Variants in SNX31 observed in about 807,000 individuals in gnomAD.
SNX31 encodes the protein sorting nexin-31.
A neutral mutation model predicts 65.4 loss-of-function variants in SNX31; 58 were observed. The ratio of observed to expected loss-of-function variants is 0.89; its 90% CI spans 0.72 to 1.10. The LOEUF (loss-of-function observed/expected upper bound fraction) is 1.10, where lower values mean the gene tolerates loss of function less well. SNX31 is among the 50% of genes least tolerant of loss of function. SNX31 has a pLI of 0.00. For synonymous variants in SNX31, 181 were observed against 190.1 expected (o/e 0.95, Z 0.39); for missense variants, 523 against 529.7 (o/e 0.99, Z 0.12).
chr8:100,617,767 CTTT>C (rs747344881), intron 4 of SNX31, 37 bp from the exon 5 acceptor site: 3,136 of 1,272,178 alleles, frequency 2.5e-3, no homozygotes, highest in South Asian at 3.8e-3. Flanking sequence ...ATTTCCACAC[CTTT>C]TTTTTTTTTT....
chr8:100,622,262 G>A lies in SNX31; in HGVS notation c.322-4532C>T, dbSNP rs1411709424. The stretch of plus-strand genomic sequence containing the variant: ...ATGTGGTGAGTTTATCTTGAAGAGT[G>A]CCCTGTACAAGTAGACATTTAATAA... On this transcript the variant is annotated intron_variant, in intron 4 of 13. Transcript: ENST00000311812. The surrounding 1 kb of genome is among the most constrained non-coding windows in gnomAD (Gnocchi z 5.0). Among the ~76,000 whole-genome samples, 1 of 152,150 alleles carries A rather than the reference G, an allele frequency of 6.6e-6. No homozygotes were observed. Among genetic ancestry groups the A allele is most frequent in the Non-Finnish European group, 1.5e-5 (1 of 68,026 alleles).
At chr8:100,620,476 T>G (rs1307108582) in intron 4 of SNX31, among the ~76,000 whole-genome samples, 12 of 152,202 alleles carry the variant, frequency 7.9e-5, no homozygotes. Context: ...ACCACATGCT[T>G]ACAATTACTA....
At chr8:100,624,857 A>G (rs761759695) in intron 4 of SNX31, among the ~76,000 whole-genome samples, 1 of 152,008 alleles carries the variant, frequency 6.6e-6, no homozygotes, top group Non-Finnish European at 1.5e-5. Flanking sequence ...GCTGGAGTAC[A>G]GTGGGCTGAT....
At chr8:100,618,747 G>A (rs902192964) in intron 4 of SNX31, 4 of 206,598 alleles carry the variant, frequency 1.9e-5, no homozygotes, top group African/African-American at 7.0e-5. Context: ...GCCAAACGGA[G>A]GAGATGCACA....
rs61261165 is a variant in SNX31 at position 100,629,255 on chromosome 8, C to T, written c.321+1072G>A. ...GAGCACTATAAACTATTAGACTATA[C>T]ACAACAGTTGTCACTGAGGAGGGGG... On this transcript the variant is annotated intron_variant, in intron 4 of 13. Coordinates refer to ENST00000311812, the MANE Select transcript of SNX31 (RefSeq NM_152628.4). This position sits in a 1 kb window ranked among gnomAD's most constrained non-coding sequence, Gnocchi z 5.1. Among the ~76,000 whole-genome samples the T allele has an allele frequency of 6.6e-6, 1 of 152,030 alleles. No individual in the cohort carries two copies. Among genetic ancestry groups the T allele is most frequent in the Non-Finnish European group, 1.5e-5 (1 of 68,012 alleles).
In SNX31 at chr8:100,612,106, C is replaced by T. The variant is rs79115078; in HGVS notation, c.524-19G>A. ...TTCACAACTAGAGAAAGGAGAAAGC[C>T]GGTCTTACTGGTTGAAACAGCACAG... On this transcript the variant is annotated intron_variant, in intron 6 of 13. Transcript: ENST00000311812. The surrounding 1 kb of genome is among the most constrained non-coding windows in gnomAD (Gnocchi z 4.3). The T allele has an allele frequency of 0.017, 26,072 of 1,573,614 alleles. 579 individuals carry two copies. The highest frequency in any genetic ancestry group is 0.1 in the African/African-American group (7,457 of 74,140).
intron 10 of SNX31, among the ~76,000 whole-genome samples, chr8:100,592,837 G>A (rs1814705840): frequency 6.6e-6 from 1 of 152,132 alleles, no homozygotes; most frequent in Admixed American, 6.5e-5. Flanking sequence ...ATGAACCTGG[G>A]AAACATGCTA....
intron 1 of SNX31, among the ~76,000 whole-genome samples, chr8:100,655,607 C>T (rs931560437): frequency 2.0e-5 from 3 of 152,214 alleles, no homozygotes; most frequent in Non-Finnish European, 2.9e-5. Flanking sequence ...GAGGCCTCCC[C>T]AACCATGTGG....
chr8:100,584,371 T>G (rs1432912054), intron 11 of SNX31, among the ~76,000 whole-genome samples, 183 bp from the exon 12 acceptor site: 1 of 152,238 alleles, frequency 6.6e-6, no homozygotes, highest in Non-Finnish European at 1.5e-5. Context: ...CTATAAATTT[T>G]CTCAATTATG....
At chr8:100,595,308 TTTG>T (rs200524796) in intron 10 of SNX31, among the ~76,000 whole-genome samples, 9 of 142,018 alleles carry the variant, frequency 6.3e-5, no homozygotes, top group African/African-American at 2.5e-4. Context: ...ATAGAGGGAA[TTTG>T]TTGTTTTTTT....
At chr8:100,598,266 A>G (rs1174992371) in intron 9 of SNX31, among the ~76,000 whole-genome samples, 27 of 152,214 alleles carry the variant, frequency 1.8e-4, no homozygotes, top group Admixed American at 1.8e-3. Flanking sequence ...TCAGTGAGAA[A>G]CATCAGAAAG....
At position 100,660,567 on chromosome 8, in the gene SNX31, T is replaced by G. The variant is rs1268568492; in HGVS notation, c.-58+2575A>C. ...ATGTCACTCAGCACGGGGCTCTAAC[T>G]CAAGTGGCAGGCGTCCCTGACCTGA... is the stretch of plus-strand genomic sequence containing the variant. On this transcript the variant is annotated intron_variant, in intron 1 of 5. Coordinates refer to the SNX31 transcript ENST00000520352. The surrounding 1 kb of genome is among the most constrained non-coding windows in gnomAD (Gnocchi z 4.1). 6.6e-6 allele frequency among the ~76,000 whole-genome samples: 1 copy of G among 152,120 alleles called. No individual in the cohort carries two copies. The highest frequency in any genetic ancestry group is 2.4e-5 in the African/African-American group (1 of 41,418).
intron 2 of SNX31, among the ~76,000 whole-genome samples, chr8:100,641,589 TATATATACACATACAC>T (rs1341600485): frequency 4.5e-5 from 1 of 22,282 alleles, no homozygotes; most frequent in African/African-American, 3.6e-4. Flanking sequence ...TATATATATA[TATATATACACATACAC>T]ACACACACGC....
chr8:100,579,024 A>G (rs1190272847), intron 12 of SNX31, among the ~76,000 whole-genome samples: 1 of 152,086 alleles, frequency 6.6e-6, no homozygotes, highest in Non-Finnish European at 1.5e-5. Context: ...GCCCGGCCTC[A>G]ATATTTTTTA....
Position 100,629,107 on chromosome 8 carries a change from C to T in SNX31, c.321+1220G>A, listed in dbSNP as rs190963380. ...TCGCCTAATGATGCATTTATCAGAA[C>T]GAATCCACATTTTTAAGTGACACAT... On this transcript the variant is annotated intron_variant, in intron 4 of 13. Transcript: ENST00000311812. The surrounding 1 kb of genome is among the most constrained non-coding windows in gnomAD (Gnocchi z 5.1). Among the ~76,000 whole-genome samples, 71 of 152,014 alleles carry T rather than the reference C, an allele frequency of 4.7e-4. 1 individual carries two copies. Among genetic ancestry groups the T allele is most frequent in the African/African-American group, 1.7e-3 (69 of 41,452 alleles).
intron 8 of SNX31, among the ~76,000 whole-genome samples, chr8:100,602,054 A>T (rs1815685607): frequency 6.6e-6 from 1 of 152,192 alleles, no homozygotes; most frequent in African/African-American, 2.4e-5. Context: ...GACGGGGCAG[A>T]ATTGGCCATT....
At position 100,613,310 on chromosome 8, in the gene SNX31, A is replaced by G. The variant is rs576449407; in HGVS notation, c.433-225T>C. 1.1e-3 allele frequency among the ~76,000 whole-genome samples: 166 copies of G among 152,334 alleles called. 1 individual carries two copies. Among genetic ancestry groups the G allele is most frequent in the African/African-American group, 3.7e-3 (152 of 41,576 alleles). The stretch of plus-strand genomic sequence containing the variant: ...AAAGAAAATAAAAATCAGCCCCACC[A>G]CAATGGACAGAGGCTGGCCCCAAGT... On this transcript the variant is annotated intron_variant, in intron 5 of 13. Coordinates refer to ENST00000311812, the MANE Select transcript of SNX31 (RefSeq NM_152628.4). This position sits in a 1 kb window ranked among gnomAD's most constrained non-coding sequence, Gnocchi z 5.2.
chr8:100,634,470 G>A (rs1818613341), intron 3 of SNX31, among the ~76,000 whole-genome samples: 2 of 152,098 alleles, frequency 1.3e-5, no homozygotes, highest in Non-Finnish European at 2.9e-5. Context: ...AAGTAGGCCA[G>A]GCATGGTGGC....
chr8:100,637,510 G>T (rs1239572178), intron 2 of SNX31, among the ~76,000 whole-genome samples: 1 of 152,060 alleles, frequency 6.6e-6, no homozygotes, highest in Non-Finnish European at 1.5e-5. Flanking sequence ...GCATAGACAG[G>T]CCCTAACTTC....
Sources: gnomAD v4.1 joint callset for allele counts (sites outside exome capture counted in the v4.1 genomes callset) on GRCh38, gnomAD v4.1.1 for gene constraint, Gnocchi (gnomAD v3.1) non-coding constraint, MANE v1.5 for transcripts, NCBI Gene and HGNC (gene_info 2026-07-23, HGNC 2026-07-21) for gene names.